PNKP: variants seen among roughly 807,000 people sequenced by gnomAD.
The protein encoded by PNKP is polynucleotide kinase 3'-phosphatase.
Under a neutral mutation model 66.2 loss-of-function variants are expected in PNKP, and 82 were observed. The observed-to-expected ratio is 1.24, with a 90% confidence interval of 1.04 to 1.49. PNKP has a LOEUF of 1.49. Among genes scored for constraint, PNKP ranks in the 40% most tolerant of loss-of-function variants. The pLI is 0.00. For missense variants in PNKP, 907 were observed against 706.8 expected, an observed-to-expected ratio of 1.28 and a Z score of -3.21; for synonymous variants, 412 against 298.9, an observed-to-expected ratio of 1.38 and a Z score of -3.90.
chr19:49,862,441 G>A lies in PNKP; in HGVS notation c.959C>T (p.Pro320Leu), dbSNP rs1428228072. 9 of 1,587,016 alleles carry A rather than the reference G, an allele frequency of 5.7e-6. No homozygotes were observed. The highest frequency in any genetic ancestry group is 4.6e-5 in the East Asian group (2 of 43,614). The change falls in exon 11 of 17, where the codon CCC becomes CTC. Residue 320 changes from proline to leucine, a missense_variant. Transcript: ENST00000322344. ...AAAGAACTCCTCAGGCGTGGCGAAG[G>A]GCAGGCCAAGGTTGAGGGCAAACTA... ...DRLFALNLGLPFATPEEFFLK... is the reference protein window; with the variant it reads ...DRLFALNLGLLFATPEEFFLK...
intron 4 of PNKP, among the ~76,000 whole-genome samples, 180 bp downstream of exon 4, chr19:49,864,947 C>G (rs576105178): frequency 3.9e-5 from 6 of 152,326 alleles, no homozygotes; most frequent in African/African-American, 1.4e-4. Context: ...CTGTGGGTAA[C>G]GCAGGAGCTG....
intron 6 of PNKP, 43 bp from the exon 7 acceptor site, chr19:49,864,114 C>T: frequency 1.2e-6 from 2 of 1,611,168 alleles, no homozygotes; most frequent in South Asian, 1.1e-5. Flanking sequence ...CTCACCAGGG[C>T]CTTGGTCTGA....
rs761732328 is a variant in PNKP, at chr19:49,861,708, G to C, written c.1299-13C>G. On this transcript the variant is annotated splice_polypyrimidine_tract_variant and intron_variant, in intron 14 of 16. Coordinates refer to ENST00000322344, the MANE Select transcript of PNKP (RefSeq NM_007254.4). ...ACACTGGACGTACCTGTGGGGGAAG[G>C]AGCTGGATGTGCAGGCCCCGCCCAC... 1.3e-6 allele frequency: 2 copies of C among 1,548,592 alleles called. No homozygotes were observed. Among genetic ancestry groups the C allele is most frequent in the Non-Finnish European group, 1.7e-6 (2 of 1,146,460 alleles).
Position 49,861,673 on chromosome 19 carries a change from CGGCTCG to C in PNKP, c.1315_1320del (p.Arg439_Ala440del), listed in dbSNP as rs2074764017. ...AGGAAGCAGCGGCAGGGGACGCCCG[CGGCTCG>C]GGCACACTGGACGTACCTGTGGGGG... is the stretch of plus-strand genomic sequence containing the variant. On this transcript the variant is annotated inframe_deletion, in exon 15 of 17. Coordinates refer to ENST00000322344, the MANE Select transcript of PNKP (RefSeq NM_007254.4). 1 of 1,547,626 alleles carries C rather than the reference CGGCTCG, an allele frequency of 6.5e-7. No individual in the cohort carries two copies. Among genetic ancestry groups the C allele is most frequent in the South Asian group, 1.2e-5 (1 of 84,110 alleles).
rs1406190021 is a variant in PNKP, at chr19:49,861,481, G to A, written c.1416C>T (p.Ile472=). ...CATACATGACCATGTCTGACACGGGGATATGAGAGGAGTCCGTCATCTCTC... is the reference window on the plus strand; with the variant it reads ...CATACATGACCATGTCTGACACGGGAATATGAGAGGAGTCCGTCATCTCTC... The part of the protein sequence containing the change: ...RFREMTDSSH[I]PVSDMVMYGY... The change falls in exon 16 of 17, where the codon ATC becomes ATT. Residue 472 remains isoleucine (I), a synonymous_variant. Coordinates refer to ENST00000322344, the MANE Select transcript of PNKP (RefSeq NM_007254.4). 18 of 1,527,804 alleles carry A rather than the reference G, an allele frequency of 1.2e-5. No individual in the cohort carries two copies. Among genetic ancestry groups the A allele is most frequent in the Non-Finnish European group, 1.3e-5 (15 of 1,124,506 alleles). The allele number at this position is 1,527,804 out of a possible 1,614,324, so 94.6% of individuals were successfully genotyped here.
Position 49,861,291 on chromosome 19 carries a change from T to G in PNKP, c.1523A>C (p.Glu508Ala), listed in dbSNP as rs2074753189. The G allele has an allele frequency of 6.2e-7, 1 of 1,613,768 alleles. No homozygotes were observed. The highest frequency in any genetic ancestry group is 8.5e-7 in the Non-Finnish European group (1 of 1,179,926). ...GCAGTACAGCCGCCCCAGCCTCGGC[T>G]CCACCCATAGCCGGAACGGGATCTC... is the stretch of plus-strand genomic sequence containing the variant. The part of the protein sequence containing the change: ...ILEIPFRLWV[E>A]PRLGRLYCQF... Residue 508 changes from glutamate to alanine, a missense_variant, in exon 17 of 17, where the codon GAG becomes GCG. Physicochemically the swap from Glu to Ala is moderately radical, Grantham distance 107. Coordinates refer to ENST00000322344, the MANE Select transcript of PNKP (RefSeq NM_007254.4).
chr19:49,865,560 C>T, intron 3 of PNKP, 134 bp from the exon 4 acceptor site: 3 of 625,180 alleles, frequency 4.8e-6, no homozygotes, highest in East Asian at 2.8e-5. Flanking sequence ...CACTTTGGAA[C>T]GGGCTTTGGA....
rs373922574 is a variant in PNKP at position 49,862,406 on chromosome 19, G to A, written c.994C>T (p.Pro332Ser). Residue 332 changes from proline to serine, a missense_variant, in exon 11 of 17, where the codon CCA (proline) becomes TCA (serine). Pro to Ser is a moderately conservative substitution (Grantham distance 74, BLOSUM62 -1). Transcript: ENST00000322344. ...ATPEEFFLKW[P>S]AAGFELPAFD... ...GCTGGGAGCTCGAAGCCGGCTGCTGGCCACTTGAGAAAGAACTCCTCAGGC... is the reference window on the plus strand; with the variant it reads ...GCTGGGAGCTCGAAGCCGGCTGCTGACCACTTGAGAAAGAACTCCTCAGGC... 40 of 1,566,720 alleles carry A rather than the reference G, an allele frequency of 2.6e-5. No individual in the cohort carries two copies. In the African/African-American group the frequency reaches 4.3e-4, roughly 17 times the overall value.
Position 49,861,798 on chromosome 19 carries a change from T to A in PNKP, c.1272A>T (p.Thr424=). The change falls in exon 14 of 17, where the codon ACA becomes ACT. Residue 424 remains threonine (T), a synonymous_variant. Transcript: ENST00000322344. ...KQGKRVAIDN[T]NPDAASRARY... is the part of the protein sequence containing the mutation. Reference sequence around the variant, plus strand: ...TGGCGCGGCTCGCGGCGTCTGGGTTTGTGTTGTCGATGGCGACCCGTTTCC... The same window carrying A: ...TGGCGCGGCTCGCGGCGTCTGGGTTAGTGTTGTCGATGGCGACCCGTTTCC... 2 of 1,572,904 alleles carry A rather than the reference T, an allele frequency of 1.3e-6. No homozygotes were observed. The highest frequency in any genetic ancestry group is 1.2e-5 in the South Asian group (1 of 86,516).
intron 7 of PNKP, 53 bp from the exon 8 acceptor site, chr19:49,863,813 A>T (rs2074798239): frequency 1.3e-6 from 2 of 1,495,178 alleles, no homozygotes; most frequent in African/African-American, 2.8e-5. Flanking sequence ...CACCTACTGG[A>T]TGCCACCCCA....
At chr19:49,866,534 G>T in intron 2 of PNKP, 89 bp from the exon 3 acceptor site, 1 of 1,251,900 alleles carries the variant, frequency 8.0e-7, no homozygotes, top group Non-Finnish European at 1.2e-6. Context: ...TCAGGCTATA[G>T]CATCCAGGGA....
chr19:49,865,319 C>A lies in PNKP; in HGVS notation c.306G>T (p.Leu102=). The part of the protein sequence containing the change: ...TLYLVNGLHP[L]TLRWEETRTP... The stretch of plus-strand genomic sequence containing the variant: ...TGCGGGTCTCTTCCCAGCGCAGGGT[C>A]AGTGGGTGGAGGCCATTGACCAAAT... The change falls in exon 4 of 17, where the codon CTG becomes CTT. Residue 102 remains leucine, a synonymous_variant. Transcript: ENST00000322344. The A allele has an allele frequency of 6.2e-7, 1 of 1,614,198 alleles. No homozygotes were observed. Among genetic ancestry groups the A allele is most frequent in the Non-Finnish European group, 8.5e-7 (1 of 1,180,024 alleles).
chr19:49,862,339 TCCCCAC>T (rs551307620), intron 11 of PNKP, 26 bp downstream of exon 11: 2 of 954,082 alleles, frequency 2.1e-6, no homozygotes, highest in Non-Finnish European at 1.6e-6. Context: ...AGCCCTCCCA[TCCCCAC>T]CCCCACCCCC....
In PNKP at chr19:49,867,464, C is replaced by A. The variant is rs2074830625; in HGVS notation, c.-14+5G>T. ...GCACATGCCTCCGCCCCGCCCCGTACTCACCCGGGACCGCGGCTTGGGCTC... is the reference window on the plus strand; with the variant it reads ...GCACATGCCTCCGCCCCGCCCCGTAATCACCCGGGACCGCGGCTTGGGCTC... On this transcript the variant is annotated splice_donor_5th_base_variant and intron_variant, in intron 1 of 16. Transcript: ENST00000322344. The A allele has an allele frequency of 1.8e-6, 1 of 548,514 alleles. No individual in the cohort carries two copies. Among genetic ancestry groups the A allele is most frequent in the East Asian group, 3.1e-5 (1 of 32,154 alleles). 34.0% of individuals were successfully genotyped at this position (548,514 alleles called of 1,614,324 possible).
rs1318143362 is a variant in PNKP, at chr19:49,862,276, A to G, written c.1035T>C (p.Thr345=). ...GFELPAFDPR[T]VSRSGPLCLP... ...GGCAGAGAGGCCCTGAGCGGGAGAC[A>G]GTCCTCTGCGAGGGGCGGGGGACAC... is the stretch of plus-strand genomic sequence containing the variant. The change falls in exon 12 of 17, where the codon ACT becomes ACC. Residue 345 remains threonine (T), a synonymous_variant. Coordinates refer to ENST00000322344, the MANE Select transcript of PNKP (RefSeq NM_007254.4). 1 of 1,595,714 alleles carries G rather than the reference A, an allele frequency of 6.3e-7. No individual in the cohort carries two copies. Among genetic ancestry groups the G allele is most frequent in the African/African-American group, 1.3e-5 (1 of 74,866 alleles).
chr19:49,862,519 C>A lies in PNKP; in HGVS notation c.936+19G>T. The A allele has an allele frequency of 6.2e-7, 1 of 1,603,746 alleles. No homozygotes were observed. The highest frequency in any genetic ancestry group is 8.5e-7 in the Non-Finnish European group (1 of 1,174,498). On this transcript the variant is annotated intron_variant, in intron 10 of 16. Coordinates refer to ENST00000322344, the MANE Select transcript of PNKP (RefSeq NM_007254.4). Reference sequence around the variant, plus strand: ...GCCAGGGTCGGGCTCGGGCGCGGGGCAGGGGGCAGGGGCCTCACCAGGCGA... The same window carrying A: ...GCCAGGGTCGGGCTCGGGCGCGGGGAAGGGGGCAGGGGCCTCACCAGGCGA...
chr19:49,863,019 G>GTTCCC (rs2074790739), intron 8 of PNKP, among the ~76,000 whole-genome samples: 1 of 152,070 alleles, frequency 6.6e-6, no homozygotes, highest in African/African-American at 2.4e-5. Context: ...CCAGCCTCCG[G>GTTCCC]CGTGCCGGCG....
At position 49,861,878 on chromosome 19, in the gene PNKP, TGTCCTGGGGACACGA is replaced by T; in HGVS notation, c.1189-12_1191del. On this transcript the variant is annotated splice_acceptor_variant and splice_polypyrimidine_tract_variant and coding_sequence_variant and intron_variant, in exon 14 of 17. Coordinates refer to ENST00000322344, the MANE Select transcript of PNKP (RefSeq NM_007254.4). LOFTEE classifies it high-confidence loss of function. The stretch of plus-strand genomic sequence containing the variant: ...ACACAGCGCTGCCAGGAGCCTAGCG[TGTCCTGGGGACACGA>T]GAGGTCACAAACAGATCGGCAGACC... 1 of 1,589,292 alleles carries T rather than the reference TGTCCTGGGGACACGA, an allele frequency of 6.3e-7. No homozygotes were observed. The highest frequency in any genetic ancestry group is 8.5e-7 in the Non-Finnish European group (1 of 1,170,568).
chr19:49,867,372 G>A, intron 1 of PNKP, 97 bp downstream of exon 1: 2 of 735,456 alleles, frequency 2.7e-6, no homozygotes, highest in Non-Finnish European at 4.4e-6. Flanking sequence ...TTTCCCAGGC[G>A]ACGACGCGTG....
Sources: allele counts gnomAD v4.1 joint callset (sites outside exome capture counted in the v4.1 genomes callset), GRCh38; gene constraint gnomAD v4.1.1; transcripts MANE v1.5; gene names NCBI Gene and HGNC (gene_info 2026-07-23, HGNC 2026-07-21).